Variants in UBR3 observed in about 807,000 individuals in gnomAD.
UBR3 encodes the protein ubiquitin protein ligase E3 component n-recognin 3.
Under a neutral mutation model 243.2 loss-of-function variants are expected in UBR3, and 85 were observed. The observed-to-expected ratio is 0.35, with a 90% CI of 0.29 to 0.42. UBR3 has a LOEUF of 0.42. UBR3 is among the 10% of genes least tolerant of loss of function. UBR3 has a pLI of 1.00. For synonymous variants in UBR3, 748 were observed against 799.8 expected, an observed-to-expected ratio of 0.94 and a Z score of 1.09; for missense variants, 1,686 against 2,300.8, an observed-to-expected ratio of 0.73 and a Z score of 5.47.
chr2:169,932,158 A>C (rs1397872032), intron 18 of UBR3, among the ~76,000 whole-genome samples: 2 of 151,796 alleles, frequency 1.3e-5, no homozygotes, highest in African/African-American at 4.8e-5. Context: ...GCTCACTGCA[A>C]CCTTCGCCTC....
chr2:169,871,743 C>CAAAA (rs562559554), intron 1 of UBR3, among the ~76,000 whole-genome samples: 3 of 94,998 alleles, frequency 3.2e-5, no homozygotes, highest in African/African-American at 6.8e-5. Flanking sequence ...CCAAGACTCT[C>CAAAA]AAAAAAAAAA....
intron 1 of UBR3, among the ~76,000 whole-genome samples, chr2:169,866,362 G>GTTT (rs781640089): frequency 6.7e-6 from 1 of 148,528 alleles, no homozygotes; most frequent in African/African-American, 2.5e-5. Flanking sequence ...AAGTTTTTTT[G>GTTT]TTTTTTTGTT....
intron 10 of UBR3, among the ~76,000 whole-genome samples, chr2:169,908,417 T>A (rs2085103717): frequency 6.6e-6 from 1 of 152,230 alleles, no homozygotes; most frequent in Non-Finnish European, 1.5e-5. Context: ...TTTCATAGTG[T>A]ACCTTGTTTA....
intron 35 of UBR3, among the ~76,000 whole-genome samples, chr2:170,072,461 T>C (rs1190304173): frequency 6.6e-6 from 1 of 151,956 alleles, no homozygotes; most frequent in East Asian, 1.9e-4. Flanking sequence ...TTAGGAGATA[T>C]ACCTAATGCT....
chr2:169,983,193 A>AAGGTGGAGTTGAGAGTGAGAGCAAGAG (rs1329130664), intron 24 of UBR3, among the ~76,000 whole-genome samples: 37 of 151,274 alleles, frequency 2.4e-4, no homozygotes, highest in East Asian at 3.9e-4. Flanking sequence ...GAAACTATGC[A>AAGGTGGAGTTGAGAGTGAGAGCAAGAG]AGATCACCTG....
At chr2:169,990,097 A>C (rs1360143375) in intron 25 of UBR3, among the ~76,000 whole-genome samples, 1 of 152,198 alleles carries the variant, frequency 6.6e-6, no homozygotes, top group African/African-American at 2.4e-5. Context: ...AGATCTTTTT[A>C]GTGTTCACTG....
intron 1 of UBR3, among the ~76,000 whole-genome samples, chr2:169,857,980 G>T (rs961370001): frequency 6.6e-6 from 1 of 152,206 alleles, no homozygotes; most frequent in African/African-American, 2.4e-5. Flanking sequence ...GTAGGCTGTA[G>T]TGTTATTGTC....
At chr2:169,874,544 C>T in intron 2 of UBR3, among the ~76,000 whole-genome samples, 1 of 152,096 alleles carries the variant, frequency 6.6e-6, no homozygotes, top group East Asian at 1.9e-4. Flanking sequence ...ATAACCAATC[C>T]AAGGTAATGA....
At chr2:169,934,250 CT>C (rs1325962651) in intron 19 of UBR3, among the ~76,000 whole-genome samples, 1 of 152,130 alleles carries the variant, frequency 6.6e-6, no homozygotes, top group African/African-American at 2.4e-5. Context: ...CTTATTGAGA[CT>C]TCATAAACAC....
intron 8 of UBR3, among the ~76,000 whole-genome samples, chr2:169,900,648 T>C (rs2084784629): frequency 2.0e-5 from 3 of 152,208 alleles, no homozygotes; most frequent in African/African-American, 7.2e-5. Context: ...GAGTCTCTTT[T>C]CTTCACTAGG....
At chr2:169,844,488 CTCTCT>C (rs1162194189) in intron 1 of UBR3, among the ~76,000 whole-genome samples, 7 of 112,802 alleles carry the variant, frequency 6.2e-5, no homozygotes, top group Non-Finnish European at 3.4e-5. Flanking sequence ...GTGAAACCCT[CTCTCT>C]TTTTTTTTTT....
chr2:169,899,662 C>G (rs2084735698), intron 8 of UBR3, among the ~76,000 whole-genome samples: 1 of 152,048 alleles, frequency 6.6e-6, no homozygotes, highest in Non-Finnish European at 1.5e-5. Flanking sequence ...TCCCCCCGCC[C>G]CTTGCCCGGC....
At chr2:169,865,571 A>G (rs1305920535) in intron 1 of UBR3, among the ~76,000 whole-genome samples, 1 of 151,826 alleles carries the variant, frequency 6.6e-6, no homozygotes, top group Non-Finnish European at 1.5e-5. Flanking sequence ...ATTTTTCTTT[A>G]CTCCACCCAG....
intron 36 of UBR3, chr2:170,077,474 G>A (rs1300081167): frequency 4.8e-6 from 7 of 1,451,688 alleles, no homozygotes; most frequent in Admixed American, 2.4e-5. Context: ...TTCTTGAAAC[G>A]CAAGCCCATT....
At chr2:169,845,077 A>G (rs188758358) in intron 1 of UBR3, among the ~76,000 whole-genome samples, 4 of 152,264 alleles carry the variant, frequency 2.6e-5, no homozygotes, top group East Asian at 3.9e-4. Flanking sequence ...AGTTCAAAAT[A>G]TCTTCTATTT....
chr2:170,002,048 A>G (rs2089732731), intron 27 of UBR3, among the ~76,000 whole-genome samples: 1 of 150,530 alleles, frequency 6.6e-6, no homozygotes, highest in African/African-American at 2.4e-5. Flanking sequence ...ATGTCACCTT[A>G]TGATTCTCAC....
intron 31 of UBR3, among the ~76,000 whole-genome samples, chr2:170,029,927 ACCATAT>A (rs1295811316): frequency 2.0e-5 from 3 of 152,132 alleles, no homozygotes; most frequent in Non-Finnish European, 2.9e-5. Context: ...AAAGAACTTT[ACCATAT>A]CAACTATTTG....
intron 2 of UBR3, among the ~76,000 whole-genome samples, chr2:169,874,263 G>T (rs532938968): frequency 1.3e-5 from 2 of 151,846 alleles, no homozygotes; most frequent in Non-Finnish European, 2.9e-5. Context: ...CCGCCTCCTG[G>T]GTTCAAGTGA....
chr2:169,834,917 A>G (rs148924279), intron 1 of UBR3, among the ~76,000 whole-genome samples: 1 of 152,360 alleles, frequency 6.6e-6, no homozygotes, highest in East Asian at 1.9e-4. Flanking sequence ...GCCCAGCACA[A>G]AAGAACAAAT....
Sources: gnomAD v4.1 joint callset for allele counts (sites outside exome capture counted in the v4.1 genomes callset) on GRCh38, gnomAD v4.1.1 for gene constraint, MANE v1.5 for transcripts, NCBI Gene and HGNC (gene_info 2026-07-23, HGNC 2026-07-21) for gene names.